The following TAOK3 variants were observed in gnomAD, a reference collection of about 807,000 sequenced individuals.
The protein encoded by TAOK3 is TAO kinase 3, also known as serine/threonine-protein kinase TAO3.
TAOK3 carries 40 observed loss-of-function variants against 120.4 expected under a neutral mutation model. That is an observed-to-expected ratio of 0.33 (90% CI 0.26 to 0.43). TAOK3 has a LOEUF of 0.43. Among genes scored for constraint, TAOK3 ranks in the 20% least tolerant of loss-of-function variants. The pLI is 1.00. For missense variants in TAOK3, 821 were observed against 1,112.1 expected, an observed-to-expected ratio of 0.74 and a Z score of 3.72; for synonymous variants, 355 against 387.5, an observed-to-expected ratio of 0.92 and a Z score of 0.99.
At chr12:118,343,426 CAAAAA>C (rs368283127) in intron 1 of TAOK3, among the ~76,000 whole-genome samples, 6 of 78,614 alleles carry the variant, frequency 7.6e-5, no homozygotes, top group Non-Finnish European at 8.2e-5. Flanking sequence ...GTCCCTGTCT[CAAAAA>C]AAAAAAAAAA....
rs969163504 is a variant in TAOK3, at chr12:118,282,615, T to C, written c.-193-15856A>G. On this transcript the variant is annotated intron_variant, in intron 1 of 20. Transcript: ENST00000392533. Reference sequence around the variant, plus strand: ...TTTGTAAGATAGCTCATAGAATGAATTGGGAAGCTCAAAAAATGGGTAGGC... The same window carrying C: ...TTTGTAAGATAGCTCATAGAATGAACTGGGAAGCTCAAAAAATGGGTAGGC... Among the ~76,000 whole-genome samples the C allele has an allele frequency of 3.9e-5, 6 of 152,194 alleles. No individual in the cohort carries two copies. In the South Asian group the frequency reaches 1.2e-3, roughly 32 times the overall value.
intron 1 of TAOK3, among the ~76,000 whole-genome samples, chr12:118,316,830 T>C (rs539329061): frequency 5.3e-5 from 8 of 152,286 alleles, no homozygotes; most frequent in South Asian, 2.1e-4. Context: ...TCAGTTGTAT[T>C]TCTATATACT....
Position 118,308,931 on chromosome 12 carries a change from CAAAAAAAAAAAAA to C in TAOK3, c.-193-42185_-193-42173del, listed in dbSNP as rs60574584. Among the ~76,000 whole-genome samples, 8 of 30,080 alleles carry C rather than the reference CAAAAAAAAAAAAA, an allele frequency of 2.7e-4. No individual in the cohort carries two copies. The East Asian group carries it at 6.7e-3, about 25-fold the overall frequency. The allele number at this position is 30,080 out of a possible 152,430, so 19.7% of individuals were successfully genotyped here. On this transcript the variant is annotated intron_variant, in intron 1 of 20. Transcript: ENST00000392533. ...GGGAACAGCAGCGAAACTCTGTCTCCAAAAAAAAAAAAAAAAAAAAAAAAAAAAGCCTGTATGG... is the reference window on the plus strand; with the variant it reads ...GGGAACAGCAGCGAAACTCTGTCTCCAAAAAAAAAAAAAAAGCCTGTATGG...
chr12:118,236,860 T>G (rs1476187962), intron 7 of TAOK3, among the ~76,000 whole-genome samples: 1 of 152,112 alleles, frequency 6.6e-6, no homozygotes, highest in African/African-American at 2.4e-5. Context: ...ATTTTGACTC[T>G]TCAACAAATT....
chr12:118,295,063 T>G (rs1321532913), intron 1 of TAOK3, among the ~76,000 whole-genome samples: 1 of 151,886 alleles, frequency 6.6e-6, no homozygotes, highest in Admixed American at 6.6e-5. Flanking sequence ...AGCATTTTTT[T>G]TTTTCTTTTG....
At chr12:118,334,065 G>GCAGA (rs1402245114) in intron 1 of TAOK3, among the ~76,000 whole-genome samples, 1 of 148,426 alleles carries the variant, frequency 6.7e-6, no homozygotes, top group African/African-American at 2.5e-5. Context: ...AACCCAGAAG[G>GCAGA]CAGAGGTTGC....
chr12:118,209,559 T>C (rs1651890146), intron 11 of TAOK3, among the ~76,000 whole-genome samples: 1 of 151,986 alleles, frequency 6.6e-6, no homozygotes, highest in Non-Finnish European at 1.5e-5. Flanking sequence ...CCACCATGCC[T>C]GGCTAATACT....
At chr12:118,197,725 T>C (rs2139214585) in intron 13 of TAOK3, among the ~76,000 whole-genome samples, 1 of 142,686 alleles carries the variant, frequency 7.0e-6, no homozygotes, top group South Asian at 2.3e-4. Flanking sequence ...TCTCACTGTG[T>C]TGCCCAAGCT....
Position 118,150,956 on chromosome 12 carries a change from CTT to C in TAOK3, c.*39_*40del, listed in dbSNP as rs201481032. 0.021 allele frequency: 24,782 copies of C among 1,195,296 alleles called. No homozygotes were observed. The highest frequency in any genetic ancestry group is 0.022 in the Non-Finnish European group (19,976 of 895,160). The allele number at this position is 1,195,296 out of a possible 1,614,324, so 74.0% of individuals were successfully genotyped here. On this transcript the variant is annotated 3_prime_UTR_variant, in exon 21 of 21. Transcript: ENST00000392533. ...CAGGGTCTGAATTTTTTTCTGTTTT[CTT>C]TTTTTTTTTTTTTTTTGTAAATGGC...
Position 118,150,944 on chromosome 12 carries a change from T to C in TAOK3, c.*53A>G. ...AATGTGGTTTTGCAGGGTCTGAATT[T>C]TTTTCTGTTTTCTTTTTTTTTTTTT... On this transcript the variant is annotated 3_prime_UTR_variant, in exon 21 of 21. Coordinates refer to ENST00000392533, the MANE Select transcript of TAOK3 (RefSeq NM_016281.4). 1 of 1,526,004 alleles carries C rather than the reference T, an allele frequency of 6.6e-7. No individual in the cohort carries two copies. The highest frequency in any genetic ancestry group is 2.3e-5 in the East Asian group (1 of 44,342). 94.5% of individuals were successfully genotyped at this position (1,526,004 alleles called of 1,614,324 possible).
At chr12:118,323,985 T>C (rs1322454464) in intron 1 of TAOK3, among the ~76,000 whole-genome samples, 2 of 152,166 alleles carry the variant, frequency 1.3e-5, no homozygotes, top group Non-Finnish European at 2.9e-5. Context: ...ACGAAGGAAG[T>C]ACATTTAATC....
intron 17 of TAOK3, among the ~76,000 whole-genome samples, chr12:118,163,077 A>G (rs190458059): frequency 9.1e-4 from 138 of 152,184 alleles, no homozygotes; most frequent in Admixed American, 1.4e-3. Flanking sequence ...GGGTCAATTT[A>G]TTTTCTCTAC....
At chr12:118,182,326 C>T (rs2036784325) in intron 14 of TAOK3, among the ~76,000 whole-genome samples, 1 of 151,960 alleles carries the variant, frequency 6.6e-6, no homozygotes, top group African/African-American at 2.4e-5. Flanking sequence ...CTCTGTATAA[C>T]TCCAGAGCCA....
At position 118,203,180 on chromosome 12, in the gene TAOK3, G is replaced by A. The variant is rs115916837; in HGVS notation, c.820-1717C>T. Among the ~76,000 whole-genome samples, 550 of 151,970 alleles carry A rather than the reference G, an allele frequency of 3.6e-3. 5 individuals are homozygous for A. Among genetic ancestry groups the A allele is most frequent in the African/African-American group, 0.013 (518 of 41,438 alleles). On this transcript the variant is annotated intron_variant, in intron 11 of 20. Coordinates refer to ENST00000392533, the MANE Select transcript of TAOK3 (RefSeq NM_016281.4). ...TATTTTGTTCTCTATTTCTGTGGCC[G>A]TATAGTGTATGCTTGAAAATATGCC...
chr12:118,249,190 T>C (rs1208322154), intron 3 of TAOK3, among the ~76,000 whole-genome samples: 3 of 152,230 alleles, frequency 2.0e-5, no homozygotes, highest in Non-Finnish European at 4.4e-5. Context: ...AAGAACTTAC[T>C]ATTATGTGTT....
At chr12:118,157,358 G>A (rs983791142) in intron 19 of TAOK3, among the ~76,000 whole-genome samples, 8 of 151,964 alleles carry the variant, frequency 5.3e-5, no homozygotes, top group Non-Finnish European at 8.8e-5. Flanking sequence ...TCATTGTTTC[G>A]GATAAAGACA....
chr12:118,231,832 AGAATCGCTT>A (rs1414015376), intron 9 of TAOK3, among the ~76,000 whole-genome samples: 2 of 152,000 alleles, frequency 1.3e-5, no homozygotes, highest in Non-Finnish European at 1.5e-5. Context: ...CTGAGGCAGG[AGAATCGCTT>A]GAACCCAGAA....
At chr12:118,223,062 CTTTTTTTTTTTTTTTT>C (rs75334511) in intron 9 of TAOK3, among the ~76,000 whole-genome samples, 1 of 120,094 alleles carries the variant, frequency 8.3e-6, no homozygotes, top group African/African-American at 3.5e-5. Context: ...TTCTTTCTTT[CTTTTTTTTTTTTTTTT>C]TTTTTTTTTG....
In TAOK3 at chr12:118,371,231, G is replaced by C. The variant is rs79638503; in HGVS notation, c.-194+1417C>G. Reference sequence around the variant, plus strand: ...AATCTAAAACACGGGTCTCCAAAAGGATCCCTGTCCCTTTCAACTTCTTGT... The same window carrying C: ...AATCTAAAACACGGGTCTCCAAAAGCATCCCTGTCCCTTTCAACTTCTTGT... On this transcript the variant is annotated intron_variant, in intron 1 of 20. Coordinates refer to ENST00000392533, the MANE Select transcript of TAOK3 (RefSeq NM_016281.4). The surrounding 1 kb of genome is among the most constrained non-coding windows in gnomAD (Gnocchi z 5.5). 6.6e-6 allele frequency among the ~76,000 whole-genome samples: 1 copy of C among 152,008 alleles called. No individual in the cohort carries two copies. The highest frequency in any genetic ancestry group is 1.5e-5 in the Non-Finnish European group (1 of 68,028).
Sources: allele counts gnomAD v4.1 joint callset (sites outside exome capture counted in the v4.1 genomes callset), GRCh38; gene constraint gnomAD v4.1.1; non-coding constraint Gnocchi (gnomAD v3.1); transcripts MANE v1.5; gene names NCBI Gene and HGNC (gene_info 2026-07-23, HGNC 2026-07-21).